The following CACNA1S variants were observed in gnomAD, a reference collection of about 807,000 sequenced individuals.
The protein encoded by CACNA1S is calcium voltage-gated channel subunit alpha1 S, also known as voltage-dependent L-type calcium channel subunit alpha-1S.
A neutral mutation model predicts 207.4 loss-of-function variants in CACNA1S; 126 were observed. The ratio of observed to expected loss-of-function variants is 0.61; its 90% CI spans 0.53 to 0.70. CACNA1S has a LOEUF of 0.70. Among genes scored for constraint, CACNA1S ranks in the 30% least tolerant of loss-of-function variants. The probability of loss-of-function intolerance (pLI) is 0.00; values close to 1 mark genes in which losing one functional copy is unlikely to be tolerated. For synonymous variants in CACNA1S, 960 were observed against 932.7 expected (o/e 1.03, Z -0.53); for missense variants, 2,349 against 2,422.8 (o/e 0.97, Z 0.64).
chr1:201,073,437 G>T, intron 15 of CACNA1S, 112 bp downstream of exon 15: 1 of 888,972 alleles, frequency 1.1e-6, no homozygotes, highest in Non-Finnish European at 1.9e-6. Context: ...TCACCTGGCT[G>T]ATAACTCTCC....
intron 28 of CACNA1S, among the ~76,000 whole-genome samples, chr1:201,055,181 T>C (rs1660796405): frequency 6.6e-6 from 1 of 152,228 alleles, no homozygotes; most frequent in South Asian, 2.1e-4. Flanking sequence ...CCACACTTCA[T>C]GAGAAGCCCT....
rs56021911 is a variant in CACNA1S at position 201,059,171 on chromosome 1, G to A, written c.3525+18C>T. On this transcript the variant is annotated intron_variant, in intron 27 of 43. Coordinates refer to ENST00000362061, the MANE Select transcript of CACNA1S (RefSeq NM_000069.3). Reference sequence around the variant, plus strand: ...CCAGCCCCAGCTTCTCATCTGGCCCGGTGGCCCCCACACTCACCCTGGCCT... The same window carrying A: ...CCAGCCCCAGCTTCTCATCTGGCCCAGTGGCCCCCACACTCACCCTGGCCT... The A allele has an allele frequency of 0.02, 30,432 of 1,535,186 alleles. 355 individuals are homozygous for A. Among genetic ancestry groups the A allele is most frequent in the Non-Finnish European group, 0.024 (26,278 of 1,108,562 alleles).
chr1:201,091,902 AC>A (rs1662247194), intron 4 of CACNA1S, 69 bp downstream of exon 4: 1 of 1,608,310 alleles, frequency 6.2e-7, no homozygotes, highest in Non-Finnish European at 8.5e-7. Context: ...TAGGAAGGGG[AC>A]CCAGAACTGG....
chr1:201,052,423 T>A lies in CACNA1S; in HGVS notation c.3953+134A>T, dbSNP rs961757623. Reference sequence around the variant, plus strand: ...AGCATGCAACCAAGCAGGGGACCCTTCTGAGTATAGGACCCTGTGTGGCTG... The same window carrying A: ...AGCATGCAACCAAGCAGGGGACCCTACTGAGTATAGGACCCTGTGTGGCTG... On this transcript the variant is annotated intron_variant, in intron 32 of 43. Coordinates refer to ENST00000362061, the MANE Select transcript of CACNA1S (RefSeq NM_000069.3). 42 of 707,928 alleles carry A rather than the reference T, an allele frequency of 5.9e-5. 1 individual carries two copies. Among genetic ancestry groups the A allele is most frequent in the Non-Finnish European group, 9.5e-5 (37 of 387,924 alleles). The allele number at this position is 707,928 out of a possible 1,614,324, so 43.9% of individuals were successfully genotyped here. A position where few individuals can be genotyped will look rare whatever the true frequency, so the allele number is the denominator to read the frequency against.
intron 26 of CACNA1S, 76 bp from the exon 27 acceptor site, chr1:201,059,375 C>T: frequency 1.1e-6 from 1 of 870,166 alleles, no homozygotes; most frequent in East Asian, 2.5e-5. Context: ...CCCAGAGCCC[C>T]TGCCTCTTCC....
intron 16 of CACNA1S, among the ~76,000 whole-genome samples, chr1:201,071,186 C>T (rs1661427711): frequency 6.6e-6 from 1 of 152,160 alleles, no homozygotes; most frequent in African/African-American, 2.4e-5. Context: ...CAGCTACCTC[C>T]TCCCTAACCC....
chr1:201,073,968 G>T (rs1303626354), intron 14 of CACNA1S, among the ~76,000 whole-genome samples: 1 of 152,056 alleles, frequency 6.6e-6, no homozygotes, highest in African/African-American at 2.4e-5. Flanking sequence ...TGCCCAAGAT[G>T]GCTCCAACTC....
In CACNA1S at chr1:201,061,616, G is replaced by A. The variant is rs16847607; in HGVS notation, c.3054-148C>T. 1,524 of 776,152 alleles carry A rather than the reference G, an allele frequency of 2.0e-3. 15 individuals carry two copies. In the African/African-American group the frequency reaches 0.021, roughly 11 times the overall value. 48.1% of individuals were successfully genotyped at this position (776,152 alleles called of 1,614,324 possible). A position where few individuals can be genotyped will look rare whatever the true frequency, so the allele number is the denominator to read the frequency against. Reference sequence around the variant, plus strand: ...GTTACGGGACAGGAGTTAGGTCGGCGCCAGGAAAGACCAGACCCAATCCTG... The same window carrying A: ...GTTACGGGACAGGAGTTAGGTCGGCACCAGGAAAGACCAGACCCAATCCTG... On this transcript the variant is annotated intron_variant, in intron 24 of 43. Coordinates refer to ENST00000362061, the MANE Select transcript of CACNA1S (RefSeq NM_000069.3).
intron 2 of CACNA1S, among the ~76,000 whole-genome samples, chr1:201,101,320 C>G (rs1438497140): frequency 6.6e-6 from 1 of 152,192 alleles, no homozygotes; most frequent in East Asian, 1.9e-4. Context: ...ACCCAGATAA[C>G]TCTACTCAGG....
intron 13 of CACNA1S, 37 bp downstream of exon 13, chr1:201,075,458 C>CCCAACCCTTT: frequency 6.2e-7 from 1 of 1,607,730 alleles, no homozygotes; most frequent in Non-Finnish European, 8.5e-7. Context: ...CACCCCCTCC[C>CCCAACCCTTT]TAAGCTCTTT....
At chr1:201,075,022 C>T (rs1023430249) in intron 13 of CACNA1S, among the ~76,000 whole-genome samples, 1 of 152,210 alleles carries the variant, frequency 6.6e-6, no homozygotes, top group Non-Finnish European at 1.5e-5. Flanking sequence ...CTGCCAGTAA[C>T]TCTCCGGCCC....
chr1:201,062,653 C>T, intron 22 of CACNA1S, 139 bp from the exon 23 acceptor site: 1 of 759,978 alleles, frequency 1.3e-6, no homozygotes, highest in Non-Finnish European at 2.3e-6. Flanking sequence ...CCATCTCTTC[C>T]TCTCAGAGGC....
intron 27 of CACNA1S, 114 bp from the exon 28 acceptor site, chr1:201,058,605 A>G: frequency 1.2e-6 from 1 of 809,644 alleles, no homozygotes; most frequent in Non-Finnish European, 2.1e-6. Flanking sequence ...GGGTTAGGCC[A>G]AGGTGGGGTG....
At chr1:201,049,686 A>C (rs1217759261) in intron 34 of CACNA1S, among the ~76,000 whole-genome samples, 1 of 152,138 alleles carries the variant, frequency 6.6e-6, no homozygotes, top group African/African-American at 2.4e-5. Context: ...AAAGAGATGA[A>C]ACATTCCCCG....
intron 10 of CACNA1S, among the ~76,000 whole-genome samples, chr1:201,080,957 T>G (rs1043603659): frequency 2.0e-5 from 3 of 152,228 alleles, no homozygotes; most frequent in African/African-American, 7.2e-5. Flanking sequence ...GTAGTGTATA[T>G]TGGACCCCAT....
chr1:201,071,010 G>A (rs942908018), intron 16 of CACNA1S, among the ~76,000 whole-genome samples: 6 of 152,154 alleles, frequency 3.9e-5, no homozygotes, highest in African/African-American at 1.4e-4. Flanking sequence ...TGCAGGCAGG[G>A]GATAGGGGAT....
chr1:201,078,559 T>A (rs190207797), intron 10 of CACNA1S, among the ~76,000 whole-genome samples: 1 of 151,576 alleles, frequency 6.6e-6, no homozygotes, highest in African/African-American at 2.4e-5. Context: ...TTTTGCCCAT[T>A]GATTTCTTGC....
chr1:201,043,632 G>A lies in CACNA1S; in HGVS notation c.4798-101C>T, dbSNP rs1660372663. The A allele has an allele frequency of 2.7e-6, 3 of 1,097,590 alleles. No individual in the cohort carries two copies. The African/African-American group carries it at 4.6e-5, about 17-fold the overall frequency. 68.0% of individuals were successfully genotyped at this position (1,097,590 alleles called of 1,614,324 possible). On this transcript the variant is annotated intron_variant, in intron 39 of 43. Transcript: ENST00000362061. Reference sequence around the variant, plus strand: ...GTATTGGGAACAAGCAATAGTATTGGGAGACAAATCTTATAAGGCCAAAGG... The same window carrying A: ...GTATTGGGAACAAGCAATAGTATTGAGAGACAAATCTTATAAGGCCAAAGG...
At position 201,059,253 on chromosome 1, in the gene CACNA1S, T is replaced by A. The variant is rs1400457150; in HGVS notation, c.3461A>T (p.Asn1154Ile). ...EQMNHISDIL[N>I]VAFTIIFTLE... ...GGTGAAGATGATAGTGAAGGCCACATTGAGGATGTCTGAGATGTGGTTCAT... is the reference window on the plus strand; with the variant it reads ...GGTGAAGATGATAGTGAAGGCCACAATGAGGATGTCTGAGATGTGGTTCAT... The change falls in exon 27 of 44, where the codon AAT becomes ATT. Residue 1154 changes from asparagine to isoleucine, a missense_variant. By Grantham distance (149) the Asn-to-Ile change is moderately radical. Transcript: ENST00000362061. The A allele has an allele frequency of 1.9e-6, 3 of 1,613,994 alleles. No individual in the cohort carries two copies. The South Asian group carries it at 3.3e-5, about 18-fold the overall frequency.
Sources: gnomAD v4.1 joint callset for allele counts (sites outside exome capture counted in the v4.1 genomes callset) on GRCh38, gnomAD v4.1.1 for gene constraint, MANE v1.5 for transcripts, NCBI Gene and HGNC (gene_info 2026-07-23, HGNC 2026-07-21) for gene names.